The following GAK variants were observed in gnomAD, a reference collection of about 807,000 sequenced individuals.
GAK encodes cyclin G associated kinase.
GAK carries 79 observed loss-of-function variants against 143.9 expected under a neutral mutation model. The ratio of observed to expected loss-of-function variants is 0.55; its 90% CI spans 0.46 to 0.66. GAK has a LOEUF of 0.66. GAK is among the 30% of genes least tolerant of loss of function. GAK has a pLI of 0.00. For synonymous variants in GAK, 881 were observed against 765.5 expected (o/e 1.15, Z -2.49); for missense variants, 1,693 against 1,779.7 (o/e 0.95, Z 0.88).
intron 5 of GAK, among the ~76,000 whole-genome samples, chr4:900,528 T>C (rs1719672642): frequency 6.6e-6 from 1 of 151,866 alleles, no homozygotes; most frequent in Non-Finnish European, 1.5e-5. Flanking sequence ...ACACGACCCA[T>C]CACACTTCAA....
At chr4:905,281 ATTCT>A (rs749584958) in intron 4 of GAK, among the ~76,000 whole-genome samples, 14 of 152,110 alleles carry the variant, frequency 9.2e-5, no homozygotes, top group African/African-American at 1.4e-4. Context: ...TTGTTGCTTC[ATTCT>A]TTCTTTGTTT....
At chr4:865,050 A>G in intron 23 of GAK, 72 bp downstream of exon 23, 2 of 1,556,166 alleles carry the variant, frequency 1.3e-6, no homozygotes, top group Non-Finnish European at 1.7e-6. Context: ...TGTTACAGGT[A>G]CGTGTGAAAT....
chr4:859,460 C>T, intron 24 of GAK, 146 bp downstream of exon 24: 5 of 1,598,532 alleles, frequency 3.1e-6, no homozygotes, highest in Non-Finnish European at 4.3e-6. Context: ...GACACGCTGT[C>T]CCCTTGGGCT....
Position 932,228 on chromosome 4 carries a change from G to A in GAK, c.-41C>T. The A allele has an allele frequency of 6.7e-7, 1 of 1,488,890 alleles. No individual in the cohort carries two copies. Among genetic ancestry groups the A allele is most frequent in the Non-Finnish European group, 8.9e-7 (1 of 1,124,138 alleles). The allele number at this position is 1,488,890 out of a possible 1,614,324, so 92.2% of individuals were successfully genotyped here. A position where few individuals can be genotyped will look rare whatever the true frequency, so the allele number is the denominator to read the frequency against. On this transcript the variant is annotated 5_prime_UTR_variant, in exon 1 of 28. Transcript: ENST00000314167. The surrounding 1 kb of genome is among the most constrained non-coding windows in gnomAD (Gnocchi z 4.0). Reference sequence around the variant, plus strand: ...GCACCCCGCGGCAGCCGGAGTGGTCGGGCTCGGGCTCCCGCTCCCTCGCCG... The same window carrying A: ...GCACCCCGCGGCAGCCGGAGTGGTCAGGCTCGGGCTCCCGCTCCCTCGCCG...
intron 4 of GAK, among the ~76,000 whole-genome samples, chr4:907,624 T>G (rs1721313058): frequency 6.6e-6 from 1 of 152,238 alleles, no homozygotes; most frequent in South Asian, 2.1e-4. Flanking sequence ...AACCGGTATG[T>G]GGCTCTTCCC....
At position 932,224 on chromosome 4, in the gene GAK, G is replaced by A; in HGVS notation, c.-37C>T. On this transcript the variant is annotated 5_prime_UTR_variant, in exon 1 of 28. Coordinates refer to ENST00000314167, the MANE Select transcript of GAK (RefSeq NM_005255.4). This position sits in a 1 kb window ranked among gnomAD's most constrained non-coding sequence, Gnocchi z 4.0. ...CGCCGCACCCCGCGGCAGCCGGAGT[G>A]GTCGGGCTCGGGCTCCCGCTCCCTC... 1.3e-6 allele frequency: 2 copies of A among 1,499,500 alleles called. No homozygotes were observed. The highest frequency in any genetic ancestry group is 1.8e-6 in the Non-Finnish European group (2 of 1,128,252). 92.9% of individuals were successfully genotyped at this position (1,499,500 alleles called of 1,614,324 possible).
intron 22 of GAK, among the ~76,000 whole-genome samples, chr4:865,467 C>A (rs763376887): frequency 4.1e-5 from 6 of 147,352 alleles, no homozygotes; most frequent in Non-Finnish European, 7.5e-5. Context: ...GGCGGAGCAG[C>A]TCGCAGGCCA....
At chr4:857,523 G>A (rs989384608) in intron 24 of GAK, among the ~76,000 whole-genome samples, 1 of 152,128 alleles carries the variant, frequency 6.6e-6, no homozygotes, top group Non-Finnish European at 1.5e-5. Flanking sequence ...CTTGATATTG[G>A]GTAAGTTGTG....
chr4:901,126 C>G (rs1423196382), intron 5 of GAK, among the ~76,000 whole-genome samples: 3 of 152,250 alleles, frequency 2.0e-5, no homozygotes, highest in Admixed American at 2.0e-4. Flanking sequence ...AAAGGCAGCC[C>G]TAACCAGAGA....
chr4:875,135 C>T (rs183709836), intron 18 of GAK, among the ~76,000 whole-genome samples: 20 of 152,306 alleles, frequency 1.3e-4, no homozygotes, highest in Non-Finnish European at 1.9e-4. Flanking sequence ...TTTAAGTCCC[C>T]GACAGGTCCT....
intron 7 of GAK, among the ~76,000 whole-genome samples, chr4:894,991 A>T (rs111806796): frequency 3.5e-5 from 3 of 86,140 alleles, no homozygotes; most frequent in African/African-American, 1.2e-4. Context: ...ATAAATAAAT[A>T]AATAAATAAA....
intron 5 of GAK, among the ~76,000 whole-genome samples, chr4:902,596 C>CAAAAAAAAAAAAAAAAAAAAAAAA (rs768017849): frequency 8.2e-5 from 5 of 60,728 alleles, no homozygotes; most frequent in African/African-American, 3.3e-4. Flanking sequence ...GTGACTGACT[C>CAAAAAAAAAAAAAAAAAAAAAAAA]AAAAAAAAAA....
chr4:852,058 A>G (rs968369424), intron 24 of GAK, 84 bp from the exon 25 acceptor site: 3 of 1,154,962 alleles, frequency 2.6e-6, no homozygotes, highest in African/African-American at 1.5e-5. Flanking sequence ...CACCACGTAT[A>G]TTGGAAAACA....
intron 9 of GAK, among the ~76,000 whole-genome samples, chr4:890,885 T>C (rs1289321962): frequency 6.6e-6 from 1 of 151,818 alleles, no homozygotes; most frequent in Non-Finnish European, 1.5e-5. Flanking sequence ...CTTTTCAGAC[T>C]CTTGGGCTAC....
intron 1 of GAK, among the ~76,000 whole-genome samples, chr4:917,967 G>T (rs1341751419): frequency 6.6e-6 from 1 of 152,194 alleles, no homozygotes. Flanking sequence ...TCTTTCATTA[G>T]ATAGAGGAGA....
intron 1 of GAK, 128 bp from the exon 2 acceptor site, chr4:913,796 A>G (rs1451593177): frequency 1.3e-6 from 1 of 772,794 alleles, no homozygotes; most frequent in Non-Finnish European, 2.2e-6. Flanking sequence ...TACAAAACAT[A>G]ATGGCCCCAG....
intron 3 of GAK, chr4:912,113 G>A (rs1026343059): frequency 4.3e-6 from 2 of 464,412 alleles, no homozygotes; most frequent in South Asian, 1.5e-5. Flanking sequence ...GGAGGCTGCG[G>A]CGTGGCTGTG....
intron 26 of GAK, 123 bp downstream of exon 26, chr4:850,813 G>T: frequency 9.2e-7 from 1 of 1,089,794 alleles, no homozygotes; most frequent in Non-Finnish European, 1.3e-6. Context: ...ATGTGGTACA[G>T]CAGATGCTCC....
intron 1 of GAK, among the ~76,000 whole-genome samples, chr4:916,327 C>T (rs1723084879): frequency 6.6e-6 from 1 of 152,224 alleles, no homozygotes; most frequent in Non-Finnish European, 1.5e-5. Context: ...GGCACTATCA[C>T]AACCCACTGC....
Sources: gnomAD v4.1 joint callset for allele counts (sites outside exome capture counted in the v4.1 genomes callset) on GRCh38, gnomAD v4.1.1 for gene constraint, Gnocchi (gnomAD v3.1) non-coding constraint, MANE v1.5 for transcripts, NCBI Gene and HGNC (gene_info 2026-07-23, HGNC 2026-07-21) for gene names.